Variants in GRID2 observed in about 807,000 individuals in gnomAD.
GRID2 encodes glutamate ionotropic receptor delta type subunit 2, also known as glutamate receptor ionotropic, delta-2.
In GRID2, 33 loss-of-function variants were observed where a neutral mutation model predicts 114.8. The ratio of observed to expected loss-of-function variants is 0.29; its 90% CI spans 0.22 to 0.38. GRID2 has a LOEUF of 0.38. GRID2 is among the 10% of genes least tolerant of loss of function. The probability of loss-of-function intolerance (pLI) is 1.00; values close to 1 mark genes in which losing one functional copy is unlikely to be tolerated. For missense variants in GRID2, 1,184 were observed against 1,257.7 expected, an observed-to-expected ratio of 0.94 and a Z score of 0.89; for synonymous variants, 505 against 449.9, an observed-to-expected ratio of 1.12 and a Z score of -1.55.
At chr4:92,741,374 A>T (rs1736887166) in intron 2 of GRID2, among the ~76,000 whole-genome samples, 1 of 152,058 alleles carries the variant, frequency 6.6e-6, no homozygotes, top group Non-Finnish European at 1.5e-5. Flanking sequence ...GTCCCCCTAA[A>T]CTACTGTAAT....
intron 8 of GRID2, among the ~76,000 whole-genome samples, chr4:93,387,836 A>T (rs2149318436): frequency 6.6e-6 from 1 of 151,850 alleles, no homozygotes; most frequent in Non-Finnish European, 1.5e-5. Flanking sequence ...TCTCAAAAAA[A>T]AAAAAAAAAA....
At chr4:92,418,733 C>A (rs1358147869) in intron 1 of GRID2, among the ~76,000 whole-genome samples, 1 of 151,982 alleles carries the variant, frequency 6.6e-6, no homozygotes, top group East Asian at 1.9e-4. Flanking sequence ...CTTCCACACC[C>A]CCCTAAAAAG....
intron 2 of GRID2, among the ~76,000 whole-genome samples, chr4:92,820,829 T>C (rs11934113): frequency 0.04 from 6,139 of 152,208 alleles, 186 homozygotes; most frequent in East Asian, 0.12. Context: ...TATCATGTTA[T>C]AATTAATAAT....
chr4:93,650,189 T>C (rs1386960522), intron 14 of GRID2, among the ~76,000 whole-genome samples: 1 of 152,128 alleles, frequency 6.6e-6, no homozygotes, highest in Non-Finnish European at 1.5e-5. Context: ...TTCCAATGCC[T>C]TTCCATAGAC....
intron 8 of GRID2, among the ~76,000 whole-genome samples, chr4:93,362,948 G>A (rs1372229073): frequency 3.3e-5 from 5 of 152,100 alleles, no homozygotes; most frequent in Non-Finnish European, 7.4e-5. Flanking sequence ...AGCGGGGCAC[G>A]GTGGCTCACA....
chr4:92,793,760 C>G (rs1739708842), intron 2 of GRID2, among the ~76,000 whole-genome samples: 1 of 151,892 alleles, frequency 6.6e-6, no homozygotes, highest in Middle Eastern at 3.4e-3. Context: ...TTTCTCAGAC[C>G]TTTCATACTT....
At chr4:93,587,298 G>A (rs1369803402) in intron 13 of GRID2, among the ~76,000 whole-genome samples, 2 of 152,126 alleles carry the variant, frequency 1.3e-5, no homozygotes, top group Admixed American at 6.6e-5. Context: ...GTATAATATA[G>A]GAATACAATT....
At chr4:93,526,012 A>C (rs1411650990) in intron 13 of GRID2, among the ~76,000 whole-genome samples, 4 of 152,124 alleles carry the variant, frequency 2.6e-5, no homozygotes, top group Non-Finnish European at 4.4e-5. Context: ...TTTTTTAAAA[A>C]TTTTCTGTTG....
intron 1 of GRID2, among the ~76,000 whole-genome samples, chr4:92,387,185 A>G (rs1475110032): frequency 1.3e-5 from 2 of 151,936 alleles, no homozygotes; most frequent in South Asian, 2.1e-4. Context: ...GGAATTTCCC[A>G]TGGTTTTAAG....
chr4:93,333,423 C>T (rs1452595630), intron 8 of GRID2, among the ~76,000 whole-genome samples: 1 of 152,166 alleles, frequency 6.6e-6, no homozygotes. Context: ...GTTCCATAAA[C>T]TTTTCAGTGT....
chr4:92,583,842 A>G (rs1407759924), intron 1 of GRID2, among the ~76,000 whole-genome samples: 1 of 150,236 alleles, frequency 6.7e-6, no homozygotes, highest in Non-Finnish European at 1.5e-5. Flanking sequence ...ATAAATATAT[A>G]AACATGAACA....
At chr4:93,340,631 A>C (rs1222465411) in intron 8 of GRID2, among the ~76,000 whole-genome samples, 6 of 152,092 alleles carry the variant, frequency 3.9e-5, no homozygotes, top group Non-Finnish European at 1.5e-5. Context: ...GTTCCTCTTT[A>C]AAGTGATGCA....
At chr4:93,150,674 T>G (rs1736651110) in intron 4 of GRID2, among the ~76,000 whole-genome samples, 1 of 151,876 alleles carries the variant, frequency 6.6e-6, no homozygotes, top group African/African-American at 2.4e-5. Flanking sequence ...TTAGTGTCTG[T>G]GTCCTCTCTG....
chr4:92,853,562 C>A (rs1194782327), intron 2 of GRID2, among the ~76,000 whole-genome samples: 1 of 151,814 alleles, frequency 6.6e-6, no homozygotes. Context: ...CACATGACTT[C>A]CTTTTTTTAT....
At position 93,021,236 on chromosome 4, in the gene GRID2, C is replaced by T. The variant is rs749881697; in HGVS notation, c.245-63759C>T. On this transcript the variant is annotated intron_variant, in intron 2 of 15. Coordinates refer to ENST00000282020, the MANE Select transcript of GRID2 (RefSeq NM_001510.4). ...TAACTGGAGCATTTTTAGAATGCAT[C>T]TTATATACTCTTTGTAAGCATTCCA... Among the ~76,000 whole-genome samples the T allele has an allele frequency of 7.9e-5, 12 of 151,422 alleles. 1 individual carries two copies. Among genetic ancestry groups the T allele is most frequent in the Non-Finnish European group, 1.5e-4 (10 of 67,874 alleles).
intron 2 of GRID2, among the ~76,000 whole-genome samples, chr4:92,614,405 A>G (rs2149232088): frequency 6.6e-6 from 1 of 151,772 alleles, no homozygotes; most frequent in African/African-American, 2.4e-5. Flanking sequence ...GATTGCTATA[A>G]ATGTAAACAT....
At chr4:92,638,735 A>G (rs892411474) in intron 2 of GRID2, among the ~76,000 whole-genome samples, 1 of 150,612 alleles carries the variant, frequency 6.6e-6, no homozygotes, top group African/African-American at 2.4e-5. Context: ...TTTAGAATCT[A>G]TTGAAAGGGA....
At chr4:92,948,771 A>C (rs1751824652) in intron 2 of GRID2, among the ~76,000 whole-genome samples, 1 of 152,058 alleles carries the variant, frequency 6.6e-6, no homozygotes, top group African/African-American at 2.4e-5. Context: ...TTGAAGTATA[A>C]TGAATTAGTA....
intron 14 of GRID2, among the ~76,000 whole-genome samples, chr4:93,680,465 G>C (rs933894616): frequency 6.6e-6 from 1 of 151,354 alleles, no homozygotes; most frequent in African/African-American, 2.4e-5. Context: ...GCCTGGCAGA[G>C]ACACAACCAA....
Sources: allele counts gnomAD v4.1 joint callset (sites outside exome capture counted in the v4.1 genomes callset), GRCh38; gene constraint gnomAD v4.1.1; transcripts MANE v1.5; gene names NCBI Gene and HGNC (gene_info 2026-07-23, HGNC 2026-07-21).